The following SLC44A5 variants were observed in gnomAD, a reference collection of about 807,000 sequenced individuals.
The protein encoded by SLC44A5 is choline transporter-like protein 5.
SLC44A5 carries 57 observed loss-of-function variants against 101.8 expected under a neutral mutation model. The observed-to-expected ratio is 0.56, with a 90% CI of 0.45 to 0.70. SLC44A5 has a LOEUF of 0.70. SLC44A5 is among the 30% of genes least tolerant of loss of function. The pLI is 0.00. For synonymous variants in SLC44A5, 281 were observed against 290.9 expected (o/e 0.97, Z 0.35); for missense variants, 737 against 853.1 (o/e 0.86, Z 1.70).
chr1:75,360,089 T>A (rs1659380119), intron 3 of SLC44A5, among the ~76,000 whole-genome samples: 1 of 152,220 alleles, frequency 6.6e-6, no homozygotes, highest in South Asian at 2.1e-4. Flanking sequence ...ATGTATGGTT[T>A]GAAAATAAGT....
chr1:75,626,631 C>T, the SLC44A5 span, among the ~76,000 whole-genome samples: 2 of 152,116 alleles, frequency 1.3e-5, no homozygotes, highest in African/African-American at 4.8e-5. Flanking sequence ...CCTTTTCTAG[C>T]CAAATCTTTA....
intron 10 of SLC44A5, 48 bp downstream of exon 10, chr1:75,238,465 C>T (rs182053760): frequency 5.6e-4 from 831 of 1,489,242 alleles, no homozygotes; most frequent in Non-Finnish European, 7.0e-4. Flanking sequence ...GTCTCGAGTG[C>T]AATAACAAAA....
intron 9 of SLC44A5, among the ~76,000 whole-genome samples, chr1:75,240,796 G>A (rs370375409): frequency 6.6e-6 from 1 of 151,994 alleles, no homozygotes; most frequent in South Asian, 2.1e-4. Flanking sequence ...TTGTAAGAAA[G>A]TGAATAAATA....
At chr1:75,598,426 A>G (rs992090225) in intron 1 of SLC44A5, among the ~76,000 whole-genome samples, 2 of 152,236 alleles carry the variant, frequency 1.3e-5, no homozygotes, top group Non-Finnish European at 2.9e-5. Flanking sequence ...ATTACTGGGT[A>G]TAAACCCAAA....
At chr1:75,697,845 G>A in the SLC44A5 span, among the ~76,000 whole-genome samples, 469 of 152,342 alleles carry the variant, frequency 3.1e-3, 4 homozygotes, top group African/African-American at 0.01. Context: ...CTCAGGAAGC[G>A]CAAGGGGTCA....
the SLC44A5 span, among the ~76,000 whole-genome samples, chr1:75,619,908 G>A: frequency 1.3e-5 from 2 of 152,068 alleles, no homozygotes; most frequent in African/African-American, 2.4e-5. Flanking sequence ...AGGTATTCAC[G>A]TGCCATGGTG....
chr1:75,517,760 A>G (rs113119939), intron 2 of SLC44A5, among the ~76,000 whole-genome samples: 6 of 152,376 alleles, frequency 3.9e-5, no homozygotes, highest in African/African-American at 1.4e-4. Flanking sequence ...TTTCTTGAAC[A>G]TCAACGATTC....
chr1:75,467,559 G>A (rs866329653), intron 2 of SLC44A5, among the ~76,000 whole-genome samples: 59 of 152,026 alleles, frequency 3.9e-4, no homozygotes, highest in African/African-American at 1.3e-3. Flanking sequence ...TTCAATAAAG[G>A]TGCCAAGAAC....
At chr1:75,358,022 A>G (rs11163200) in intron 3 of SLC44A5, among the ~76,000 whole-genome samples, 17 of 151,792 alleles carry the variant, frequency 1.1e-4, no homozygotes, top group South Asian at 4.2e-4. Flanking sequence ...ACACACACAC[A>G]CACACATACA....
At chr1:75,550,045 T>C (rs1671855250) in intron 1 of SLC44A5, among the ~76,000 whole-genome samples, 2 of 152,100 alleles carry the variant, frequency 1.3e-5, no homozygotes, top group Admixed American at 1.3e-4. Flanking sequence ...GAAAAAAACA[T>C]AGTTTTCATT....
At chr1:75,333,576 A>C (rs545439538) in intron 4 of SLC44A5, among the ~76,000 whole-genome samples, 15 of 152,234 alleles carry the variant, frequency 9.9e-5, no homozygotes, top group African/African-American at 2.6e-4. Context: ...AAAAGTATTA[A>C]TTAACTATGC....
At chr1:75,260,510 C>A (rs115789463) in intron 6 of SLC44A5, among the ~76,000 whole-genome samples, 1,898 of 152,144 alleles carry the variant, frequency 0.012, 59 homozygotes, top group African/African-American at 0.043. Context: ...TACAGGAACA[C>A]CCAGATTATA....
At chr1:75,392,142 C>A (rs1356554192) in intron 3 of SLC44A5, among the ~76,000 whole-genome samples, 1 of 151,676 alleles carries the variant, frequency 6.6e-6, no homozygotes, top group East Asian at 1.9e-4. Flanking sequence ...AGAATGGGAA[C>A]CTGTCTCAAA....
At chr1:75,701,989 T>C in the SLC44A5 span, among the ~76,000 whole-genome samples, 4 of 151,996 alleles carry the variant, frequency 2.6e-5, no homozygotes, top group Non-Finnish European at 5.9e-5. Context: ...TACAAACCAC[T>C]GCTCAATGAA....
At chr1:75,616,149 G>T in the SLC44A5 span, among the ~76,000 whole-genome samples, 1 of 151,914 alleles carries the variant, frequency 6.6e-6, no homozygotes, top group East Asian at 2.0e-4. Context: ...CGGCGGCGGC[G>T]GCTGCTGTGC....
At chr1:75,623,348 A>G in the SLC44A5 span, among the ~76,000 whole-genome samples, 1 of 152,102 alleles carries the variant, frequency 6.6e-6, no homozygotes, top group Non-Finnish European at 1.5e-5. Context: ...CTAGGCAAAA[A>G]GTAGGGAAAA....
chr1:75,226,275 C>A (rs148912388), intron 13 of SLC44A5, among the ~76,000 whole-genome samples: 2 of 151,152 alleles, frequency 1.3e-5, no homozygotes, highest in African/African-American at 2.4e-5. Flanking sequence ...AAACTAAATG[C>A]GGTGGAGAAG....
rs1186511981 is a variant in SLC44A5 at position 75,398,454 on chromosome 1, A to T, written c.14-1833T>A. ...TGAGAGGAGAAGGGAACTGGTAGTT[A>T]CTATAATGTAGGTGTTTCACAGATG... On this transcript the variant is annotated intron_variant, in intron 2 of 23. Transcript: ENST00000370859. 3.2e-6 allele frequency: 3 copies of T among 938,560 alleles called. No homozygotes were observed. In the African/African-American group the frequency reaches 5.3e-5, roughly 17 times the overall value. 58.1% of individuals were successfully genotyped at this position (938,560 alleles called of 1,614,324 possible).
At chr1:75,544,139 A>G (rs1389356116) in intron 1 of SLC44A5, among the ~76,000 whole-genome samples, 3 of 152,162 alleles carry the variant, frequency 2.0e-5, no homozygotes, top group Admixed American at 1.3e-4. Flanking sequence ...CTCTGCTGTT[A>G]TGAATGAATT....
Sources: allele counts gnomAD v4.1 joint callset (sites outside exome capture counted in the v4.1 genomes callset), GRCh38; gene constraint gnomAD v4.1.1; transcripts MANE v1.5; gene names NCBI Gene and HGNC (gene_info 2026-07-23, HGNC 2026-07-21).